The following KLF8 variants were observed in gnomAD, a reference collection of about 807,000 sequenced individuals.
The protein encoded by KLF8 is Krueppel-like factor 8.
In KLF8, 10 loss-of-function variants were observed where a neutral mutation model predicts 18.2. That is an observed-to-expected ratio of 0.55 (90% CI 0.34 to 0.93). The LOEUF (loss-of-function observed/expected upper bound fraction) is 0.93. Ranked by LOEUF, KLF8 falls within the 40% of genes least tolerant of loss-of-function variation. KLF8 has a pLI of 0.02. For missense variants in KLF8, 264 were observed against 277.9 expected, an observed-to-expected ratio of 0.95 and a Z score of 0.36; for synonymous variants, 109 against 97.3, an observed-to-expected ratio of 1.12 and a Z score of -0.71.
the KLF8 span, among the ~76,000 whole-genome samples, chrX:56,170,128 T>G: frequency 9.0e-6 from 1 of 111,289 alleles, no homozygotes; most frequent in African/African-American, 3.3e-5. Flanking sequence ...ACAGCATTAG[T>G]GGACTTGGGG....
At chrX:56,093,987 G>T in the KLF8 span, among the ~76,000 whole-genome samples, 2 of 103,960 alleles carry the variant, frequency 1.9e-5, no homozygotes, top group Non-Finnish European at 4.0e-5. Flanking sequence ...GGAGATAAAT[G>T]GAATTATATA....
the KLF8 span, among the ~76,000 whole-genome samples, chrX:56,172,432 G>T: frequency 9.0e-6 from 1 of 111,367 alleles, no homozygotes; most frequent in Non-Finnish European, 1.9e-5. Flanking sequence ...CAAAGGACAT[G>T]AACTCACATT....
chrX:56,043,992 C>A, the KLF8 span, among the ~76,000 whole-genome samples: 2 of 110,834 alleles, frequency 1.8e-5, no homozygotes, highest in Admixed American at 1.9e-4. Flanking sequence ...TTTGTGGGTT[C>A]TTTTTTGTTG....
the KLF8 span, among the ~76,000 whole-genome samples, chrX:56,186,210 G>T: frequency 1.8e-5 from 2 of 111,023 alleles, no homozygotes; most frequent in East Asian, 5.6e-4. Flanking sequence ...AACAGAAAAA[G>T]GCAGGGGTTG....
the KLF8 span, among the ~76,000 whole-genome samples, chrX:55,947,606 G>C: frequency 9.3e-6 from 1 of 107,038 alleles, no homozygotes; most frequent in Non-Finnish European, 1.9e-5. Context: ...CCTGCACATT[G>C]TGCACATGTA....
the KLF8 span, among the ~76,000 whole-genome samples, chrX:55,946,687 G>A: frequency 1.8e-5 from 2 of 111,554 alleles, no homozygotes; most frequent in Non-Finnish European, 3.8e-5. Flanking sequence ...ACTACCATGA[G>A]AGTGAACAGG....
intron 2 of KLF8, among the ~76,000 whole-genome samples, chrX:56,255,229 T>C (rs1048967522): frequency 8.9e-6 from 1 of 112,852 alleles, no homozygotes; most frequent in Non-Finnish European, 1.9e-5. Context: ...ACTGTTGACA[T>C]AAAGATGCTA....
At chrX:56,161,776 A>G in the KLF8 span, among the ~76,000 whole-genome samples, 84 of 111,974 alleles carry the variant, frequency 7.5e-4, 1 homozygote, top group Middle Eastern at 4.6e-3. Flanking sequence ...AACTCGTCAA[A>G]GTCATTCTCC....
the KLF8 span, among the ~76,000 whole-genome samples, chrX:55,955,869 G>A: frequency 3.6e-5 from 4 of 111,515 alleles, no homozygotes; most frequent in African/African-American, 1.3e-4. Context: ...ATCATACAGT[G>A]TTTTTATTTT....
At chrX:56,146,619 G>A in the KLF8 span, among the ~76,000 whole-genome samples, 3,903 of 109,554 alleles carry the variant, frequency 0.036, 71 homozygotes, top group Non-Finnish European at 0.053. Context: ...TGTAGATGAC[G>A]GGCTGTTGGG....
the KLF8 span, among the ~76,000 whole-genome samples, chrX:56,008,527 G>T: frequency 8.9e-6 from 1 of 112,179 alleles, no homozygotes; most frequent in Non-Finnish European, 1.9e-5. Flanking sequence ...GCAACCCACA[G>T]ATCAGGAGAT....
chrX:55,974,925 T>C, the KLF8 span, among the ~76,000 whole-genome samples: 31 of 112,519 alleles, frequency 2.8e-4, no homozygotes, highest in Admixed American at 2.8e-3. Context: ...TTGATTTCTT[T>C]CCTCAGTGTT....
At chrX:56,115,280 TA>T in the KLF8 span, among the ~76,000 whole-genome samples, 3 of 110,762 alleles carry the variant, frequency 2.7e-5, no homozygotes, top group African/African-American at 9.9e-5. Context: ...TAAGTCCATT[TA>T]AAAAATATAT....
rs1402889940 is a variant in KLF8 at position 56,250,280 on chromosome X, T to C, written c.57T>C (p.Gly19=). 3 of 1,206,938 alleles carry C rather than the reference T, an allele frequency of 2.5e-6. No individual in the cohort carries two copies. Among genetic ancestry groups the C allele is most frequent in the Non-Finnish European group, 3.4e-6 (3 of 891,041 alleles). Residue 19 remains glycine, a synonymous_variant, in exon 2 of 6, where the codon GGT becomes GGC. Transcript: ENST00000468660. ...TGGAGGTCCAACTTAATTCAGAAGGTGGCTCAATGCAGGTATTCAAGCAGG... is the reference window on the plus strand; with the variant it reads ...TGGAGGTCCAACTTAATTCAGAAGGCGGCTCAATGCAGGTATTCAAGCAGG... ...NNLEVQLNSE[G]GSMQVFKQVT... is the part of the protein sequence containing the mutation.
At chrX:56,128,059 A>AT in the KLF8 span, among the ~76,000 whole-genome samples, 1 of 112,042 alleles carries the variant, frequency 8.9e-6, no homozygotes, top group Non-Finnish European at 1.9e-5. Flanking sequence ...AAGGATGAAC[A>AT]TTCAGTAAGC....
the KLF8 span, among the ~76,000 whole-genome samples, chrX:56,113,691 A>G: frequency 1.8e-5 from 2 of 109,096 alleles, no homozygotes. Flanking sequence ...TCGGTTTTGA[A>G]TTTGAGAACT....
chrX:56,143,028 T>C, the KLF8 span, among the ~76,000 whole-genome samples: 1 of 111,818 alleles, frequency 8.9e-6, no homozygotes, highest in African/African-American at 3.3e-5. Context: ...TTTTAATTGC[T>C]TTCTGTCTCA....
chrX:56,138,319 G>A, the KLF8 span, among the ~76,000 whole-genome samples: 1 of 111,263 alleles, frequency 9.0e-6, no homozygotes, highest in East Asian at 2.8e-4. Flanking sequence ...CATTTTATGA[G>A]GCCAGCATCA....
the KLF8 span, among the ~76,000 whole-genome samples, chrX:55,943,544 C>T: frequency 9.0e-6 from 1 of 111,247 alleles, no homozygotes; most frequent in Non-Finnish European, 1.9e-5. Flanking sequence ...CGCTTCTTAT[C>T]CTTGGTAAAA....
Sources: allele counts gnomAD v4.1 joint callset (sites outside exome capture counted in the v4.1 genomes callset), GRCh38; gene constraint gnomAD v4.1.1; transcripts MANE v1.5; gene names NCBI Gene and HGNC (gene_info 2026-07-23, HGNC 2026-07-21).